Variants in PAQR5 observed in about 807,000 individuals in gnomAD.
PAQR5 encodes membrane progestin receptor gamma.
PAQR5 carries 20 observed loss-of-function variants against 34.5 expected under a neutral mutation model. The ratio of observed to expected loss-of-function variants is 0.58; its 90% CI spans 0.41 to 0.84. PAQR5 has a LOEUF of 0.84. Among genes scored for constraint, PAQR5 ranks in the 40% least tolerant of loss-of-function variants. The pLI is 0.00. For missense variants in PAQR5, 378 were observed against 412.7 expected, an observed-to-expected ratio of 0.92 and a Z score of 0.73; for synonymous variants, 131 against 155.6, an observed-to-expected ratio of 0.84 and a Z score of 1.18.
chr15:69,303,976 C>T (rs1464465423), intron 1 of PAQR5, among the ~76,000 whole-genome samples: 3 of 152,144 alleles, frequency 2.0e-5, no homozygotes, highest in Non-Finnish European at 4.4e-5. Flanking sequence ...AACCTTGGAG[C>T]TGGGGGAAGG....
intron 4 of PAQR5, among the ~76,000 whole-genome samples, chr15:69,384,290 A>G (rs1595922492): frequency 2.9e-5 from 3 of 102,346 alleles, no homozygotes; most frequent in African/African-American, 7.8e-5. Context: ...TTCGTGGTGG[A>G]GGGTGAGTGG....
Position 69,359,947 on chromosome 15 carries a change from T to C in PAQR5, c.-115-19T>C. On this transcript the variant is annotated intron_variant, in intron 2 of 8. Coordinates refer to ENST00000395407, the MANE Select transcript of PAQR5 (RefSeq NM_017705.4). The stretch of plus-strand genomic sequence containing the variant: ...TTAGGCTGAAACTGACTGGATTTCT[T>C]CATGCTGTCCTCTTTCAGGGAAGCG... 1.5e-6 allele frequency: 1 copy of C among 688,184 alleles called. No homozygotes were observed. Among genetic ancestry groups the C allele is most frequent in the African/African-American group, 1.8e-5 (1 of 56,046 alleles). The allele number at this position is 688,184 out of a possible 1,614,324, so 42.6% of individuals were successfully genotyped here. A position where few individuals can be genotyped will look rare whatever the true frequency, so the allele number is the denominator to read the frequency against.
intron 2 of PAQR5, among the ~76,000 whole-genome samples, chr15:69,350,702 A>C (rs926910070): frequency 6.6e-6 from 1 of 151,930 alleles, no homozygotes; most frequent in Non-Finnish European, 1.5e-5. Context: ...AAACAAAAAA[A>C]CCAGAGTGTA....
chr15:69,335,719 A>G (rs2054501056), intron 1 of PAQR5, among the ~76,000 whole-genome samples: 1 of 151,918 alleles, frequency 6.6e-6, no homozygotes, highest in South Asian at 2.1e-4. Context: ...AGGTTAAAGC[A>G]TTAAAATCAT....
intron 6 of PAQR5, among the ~76,000 whole-genome samples, chr15:69,395,631 C>T (rs2056402089): frequency 6.6e-6 from 1 of 152,178 alleles, no homozygotes. Context: ...ACATGAGGAT[C>T]AGGAGGTACA....
At position 69,370,765 on chromosome 15, in the gene PAQR5, C is replaced by T. The variant is rs1375679441; in HGVS notation, c.52-9118C>T. On this transcript the variant is annotated intron_variant, in intron 3 of 8. Transcript: ENST00000395407. ...CAATCTCCTGACCTCAGGTGATCCA[C>T]CCGCCTTGGCCTCCCAAAGTGCTGG... is the stretch of plus-strand genomic sequence containing the variant. 4.6e-5 allele frequency among the ~76,000 whole-genome samples: 7 copies of T among 152,346 alleles called. No homozygotes were observed. In the South Asian group the frequency reaches 1.4e-3, roughly 32 times the overall value.
intron 7 of PAQR5, 112 bp from the exon 8 acceptor site, chr15:69,399,862 A>T: frequency 9.3e-7 from 1 of 1,079,788 alleles, no homozygotes; most frequent in Non-Finnish European, 1.4e-6. Context: ...TATGTGTGCT[A>T]ACATGTGTGG....
intron 3 of PAQR5, among the ~76,000 whole-genome samples, chr15:69,364,647 G>C (rs1406141391): frequency 2.0e-5 from 3 of 149,232 alleles, no homozygotes; most frequent in South Asian, 2.1e-4. Flanking sequence ...TGGTTGCTGT[G>C]TGTGTGTGTG....
chr15:69,391,362 A>C (rs1213990918), intron 6 of PAQR5: 2 of 159,372 alleles, frequency 1.3e-5, no homozygotes, highest in Non-Finnish European at 2.8e-5. Flanking sequence ...ATTCTGAAAC[A>C]GCATTGGGAA....
At chr15:69,339,995 T>G (rs2140724809) in intron 2 of PAQR5, among the ~76,000 whole-genome samples, 1 of 152,290 alleles carries the variant, frequency 6.6e-6, no homozygotes, top group East Asian at 1.9e-4. Flanking sequence ...GCCTCCTGAG[T>G]AGCTGGGATT....
intron 2 of PAQR5, among the ~76,000 whole-genome samples, chr15:69,355,717 G>T (rs979488671): frequency 1.3e-5 from 2 of 151,888 alleles, no homozygotes; most frequent in Non-Finnish European, 2.9e-5. Flanking sequence ...CATTGTGCCC[G>T]GCCTGTCCTA....
chr15:69,387,866 G>T (rs1170793403), intron 5 of PAQR5, among the ~76,000 whole-genome samples: 1 of 151,512 alleles, frequency 6.6e-6, no homozygotes, highest in South Asian at 2.1e-4. Flanking sequence ...AGCCTCAGGG[G>T]CCCCTGCCCT....
intron 2 of PAQR5, among the ~76,000 whole-genome samples, chr15:69,350,523 G>A (rs1419231049): frequency 2.0e-5 from 3 of 152,056 alleles, no homozygotes; most frequent in Non-Finnish European, 2.9e-5. Flanking sequence ...CACACCTGTA[G>A]TCCCAGCTAC....
At chr15:69,355,186 G>A (rs1056325179) in intron 2 of PAQR5, among the ~76,000 whole-genome samples, 3 of 149,468 alleles carry the variant, frequency 2.0e-5, no homozygotes, top group Admixed American at 6.7e-5. Flanking sequence ...TCTCTCTCTC[G>A]CTATCTGTTT....
At chr15:69,384,965 G>T (rs2056067723) in intron 5 of PAQR5, 83 bp downstream of exon 5, 2 of 1,004,942 alleles carry the variant, frequency 2.0e-6, no homozygotes, top group Admixed American at 4.2e-5. Context: ...TCACCAGAAG[G>T]CTTTGATGAG....
At chr15:69,357,244 C>T (rs925623266) in intron 2 of PAQR5, among the ~76,000 whole-genome samples, 12 of 103,904 alleles carry the variant, frequency 1.2e-4, no homozygotes, top group African/African-American at 3.8e-4. Flanking sequence ...ATAAATTACC[C>T]AGTCTCAGGG....
At position 69,345,473 on chromosome 15, in the gene PAQR5, T is replaced by C. The variant is rs565182480; in HGVS notation, c.-116+7972T>C. 8.1e-4 allele frequency among the ~76,000 whole-genome samples: 124 copies of C among 152,312 alleles called. No homozygotes were observed. In the Middle Eastern group the frequency reaches 0.017, roughly 21 times the overall value. On this transcript the variant is annotated intron_variant, in intron 2 of 8. Coordinates refer to ENST00000395407, the MANE Select transcript of PAQR5 (RefSeq NM_017705.4). ...AAAGTTCTGTGTTGGGGGATCTTTA[T>C]GGATGGACCCCTAGCCTGAGAGGAA...
At chr15:69,376,856 C>T (rs779646926) in intron 3 of PAQR5, among the ~76,000 whole-genome samples, 50 of 152,312 alleles carry the variant, frequency 3.3e-4, no homozygotes, top group Non-Finnish European at 6.0e-4. Flanking sequence ...GTCAGTCCCC[C>T]TAGTTTTGCC....
intron 1 of PAQR5, among the ~76,000 whole-genome samples, chr15:69,307,026 T>C (rs2053732566): frequency 6.6e-6 from 1 of 152,202 alleles, no homozygotes; most frequent in Non-Finnish European, 1.5e-5. Flanking sequence ...TTCAATTTCA[T>C]CCATGTTGTG....
Sources: allele counts gnomAD v4.1 joint callset (sites outside exome capture counted in the v4.1 genomes callset), GRCh38; gene constraint gnomAD v4.1.1; transcripts MANE v1.5; gene names NCBI Gene and HGNC (gene_info 2026-07-23, HGNC 2026-07-21).